The following FREM2 variants were observed in gnomAD, a reference collection of about 807,000 sequenced individuals.
FREM2 encodes FRAS1-related extracellular matrix protein 2.
Under a neutral mutation model 219.9 loss-of-function variants are expected in FREM2, and 119 were observed. That is an observed-to-expected ratio of 0.54 (90% CI 0.47 to 0.63). FREM2 has a LOEUF of 0.63. FREM2 is among the 30% of genes least tolerant of loss of function. The pLI is 0.00. For missense variants in FREM2, 4,030 were observed against 3,993.6 expected, an observed-to-expected ratio of 1.01 and a Z score of -0.25; for synonymous variants, 1,562 against 1,522.8, an observed-to-expected ratio of 1.03 and a Z score of -0.60.
Position 38,687,600 on chromosome 13 carries a change from G to C in FREM2, c.256G>C (p.Glu86Gln), listed in dbSNP as rs1159846649. ...CGGACTCCGGGTGCCTTTCGGCCGT[G>C]AAGTCTGGCTGGATCCCCTGCATGA... ...NRGLRVPFGREVWLDPLHDLV... is the reference protein window; with the variant it reads ...NRGLRVPFGRQVWLDPLHDLV... Residue 86 changes from glutamate to glutamine, a missense_variant, in exon 1 of 24, where the codon GAA (glutamate) becomes CAA (glutamine). Around this residue, in one of 2 missense-constraint regions of FREM2, gnomAD observed 3,102 missense variants for 2,950.7 expected, o/e 1.05. Transcript: ENST00000280481. 1 of 1,609,130 alleles carries C rather than the reference G, an allele frequency of 6.2e-7. No homozygotes were observed. The highest frequency in any genetic ancestry group is 1.1e-5 in the South Asian group (1 of 90,366).
chr13:38,786,096 T>C (rs9566363), intron 6 of FREM2, among the ~76,000 whole-genome samples: 77,298 of 151,996 alleles, frequency 0.51, 21,885 homozygotes, highest in Non-Finnish European at 0.65. Context: ...GCTGAAGCTA[T>C]GTAATGTATT....
intron 2 of FREM2, among the ~76,000 whole-genome samples, chr13:38,759,826 AT>A (rs1873159516): frequency 6.6e-6 from 1 of 152,204 alleles, no homozygotes; most frequent in Non-Finnish European, 1.5e-5. Context: ...GCCAATGTTT[AT>A]TATTTCCATG....
chr13:38,770,105 C>A (rs1873600808), intron 4 of FREM2, among the ~76,000 whole-genome samples: 1 of 147,124 alleles, frequency 6.8e-6, no homozygotes, highest in Non-Finnish European at 1.5e-5. Context: ...CCAGCTAGTA[C>A]AATTTTCATA....
intron 2 of FREM2, among the ~76,000 whole-genome samples, chr13:38,721,238 T>C (rs914397280): frequency 1.3e-5 from 2 of 152,124 alleles, no homozygotes; most frequent in African/African-American, 4.8e-5. Context: ...AAAAATATTG[T>C]CAGCTGACAG....
intron 2 of FREM2, among the ~76,000 whole-genome samples, chr13:38,722,142 C>T (rs1180776138): frequency 2.0e-5 from 3 of 152,082 alleles, no homozygotes; most frequent in Non-Finnish European, 2.9e-5. Flanking sequence ...GCCTCCGCCT[C>T]CCTAGTAGCT....
chr13:38,784,679 G>C lies in FREM2; in HGVS notation c.5890G>C (p.Val1964Leu), dbSNP rs1874254344. ...TGAACGGGAGAAACTGTGTCGGATA[G>C]TCATAATTGATGACTCTTTGTACGA... The part of the protein sequence containing the change: ...KDEREKLCRI[V>L]IIDDSLYEEE... Residue 1964 changes from valine (V) to leucine (L), a missense_variant, in exon 6 of 24, where the codon GTC (valine) becomes CTC (leucine). Val to Leu is a conservative substitution (Grantham distance 32, BLOSUM62 1). Coordinates refer to ENST00000280481, the MANE Select transcript of FREM2 (RefSeq NM_207361.6). The C allele has an allele frequency of 1.9e-6, 3 of 1,614,060 alleles. No individual in the cohort carries two copies. The highest frequency in any genetic ancestry group is 2.5e-6 in the Non-Finnish European group (3 of 1,180,016).
intron 5 of FREM2, 129 bp from the exon 6 acceptor site, chr13:38,784,428 A>G: frequency 2.2e-6 from 2 of 915,094 alleles, no homozygotes; most frequent in Non-Finnish European, 3.5e-6. Flanking sequence ...CGTAGTTGCT[A>G]TTGCAGTTCT....
At chr13:38,807,138 A>AC (rs1481904566) in intron 6 of FREM2, among the ~76,000 whole-genome samples, 3 of 116,506 alleles carry the variant, frequency 2.6e-5, no homozygotes, top group African/African-American at 9.2e-5. Flanking sequence ...ATTTTTTTCA[A>AC]CCCCCTGCTC....
intron 4 of FREM2, among the ~76,000 whole-genome samples, chr13:38,773,881 A>G (rs1029995039): frequency 6.6e-6 from 1 of 152,058 alleles, no homozygotes; most frequent in African/African-American, 2.4e-5. Flanking sequence ...TGTGATTTAT[A>G]TATCAATTTA....
At position 38,692,450 on chromosome 13, in the gene FREM2, G is replaced by A. The variant is rs762462270; in HGVS notation, c.5106G>A (p.Glu1702=). The part of the protein sequence containing the change: ...LHISLRFIVT[E]APQHGYLLNL... The stretch of plus-strand genomic sequence containing the variant: ...TTTCTCTTAGATTTATCGTGACAGA[G>A]GCCCCTCAACATGGATATCTTCTCA... Residue 1702 remains glutamate, a synonymous_variant, in exon 1 of 24, where the codon GAG becomes GAA. Coordinates refer to ENST00000280481, the MANE Select transcript of FREM2 (RefSeq NM_207361.6). 2 of 1,613,864 alleles carry A rather than the reference G, an allele frequency of 1.2e-6. No individual in the cohort carries two copies. Among genetic ancestry groups the A allele is most frequent in the Non-Finnish European group, 1.7e-6 (2 of 1,179,940 alleles).
chr13:38,690,913 A>C lies in FREM2; in HGVS notation c.3569A>C (p.Gln1190Pro), dbSNP rs1234401702. 6 of 1,614,058 alleles carry C rather than the reference A, an allele frequency of 3.7e-6. No homozygotes were observed. Among genetic ancestry groups the C allele is most frequent in the Non-Finnish European group, 5.1e-6 (6 of 1,180,006 alleles). The change falls in exon 1 of 24, where the codon CAG becomes CCG. Residue 1190 changes from glutamine (Q) to proline (P), a missense_variant. Gln to Pro is a moderately conservative substitution (Grantham distance 76). Coordinates refer to ENST00000280481, the MANE Select transcript of FREM2 (RefSeq NM_207361.6). Reference protein sequence around the residue: ...PIVIIPTNDEQPEMFMREFMV... With the variant: ...PIVIIPTNDEPPEMFMREFMV... ...GTAATCATTCCCACCAATGATGAAC[A>C]GCCAGAGATGTTTATGAGAGAATTT...
chr13:38,864,179 A>T, intron 15 of FREM2, 96 bp from the exon 16 acceptor site: 1 of 958,140 alleles, frequency 1.0e-6, no homozygotes, highest in Non-Finnish European at 1.6e-6. Context: ...ATGGCATTTT[A>T]TGACACTTGT....
intron 2 of FREM2, among the ~76,000 whole-genome samples, chr13:38,745,968 T>A (rs1006203772): frequency 6.6e-6 from 1 of 152,368 alleles, no homozygotes; most frequent in South Asian, 2.1e-4. Context: ...TTCTAGTTCA[T>A]GTAATTTCTC....
chr13:38,748,665 C>T (rs1388746347), intron 2 of FREM2, among the ~76,000 whole-genome samples: 5 of 152,174 alleles, frequency 3.3e-5, no homozygotes, highest in Non-Finnish European at 7.4e-5. Context: ...CTAGGAATTA[C>T]TGCAGGTAAG....
Position 38,885,942 on chromosome 13 carries a change from G to T in FREM2, c.*5155G>T, listed in dbSNP as rs777929539. On this transcript the variant is annotated 3_prime_UTR_variant, in exon 24 of 24. Coordinates refer to ENST00000280481, the MANE Select transcript of FREM2 (RefSeq NM_207361.6). ...AATAAAGTGTTAAAATGTTAACAGCGTTGAAGTTTTTAAAATTATAATTAT... is the reference window on the plus strand; with the variant it reads ...AATAAAGTGTTAAAATGTTAACAGCTTTGAAGTTTTTAAAATTATAATTAT... 6.6e-6 allele frequency: 1 copy of T among 152,108 alleles called. No individual in the cohort carries two copies. Among genetic ancestry groups the T allele is most frequent in the African/African-American group, 2.4e-5 (1 of 41,448 alleles). 9.4% of individuals were successfully genotyped at this position (152,108 alleles called of 1,614,324 possible). A position where few individuals can be genotyped will look rare whatever the true frequency, so the allele number is the denominator to read the frequency against.
At chr13:38,795,598 A>G (rs912489953) in intron 6 of FREM2, among the ~76,000 whole-genome samples, 1 of 152,118 alleles carries the variant, frequency 6.6e-6, no homozygotes, top group African/African-American at 2.4e-5. Flanking sequence ...TAACATCTCT[A>G]GTCCTCTCTT....
At chr13:38,714,813 G>A (rs886486465) in intron 2 of FREM2, among the ~76,000 whole-genome samples, 3 of 152,096 alleles carry the variant, frequency 2.0e-5, no homozygotes, top group Non-Finnish European at 4.4e-5. Flanking sequence ...GGCCCAGCGC[G>A]GTAGGTCACA....
chr13:38,724,483 ATAT>A (rs1446628610), intron 2 of FREM2, among the ~76,000 whole-genome samples: 1 of 152,168 alleles, frequency 6.6e-6, no homozygotes, highest in Admixed American at 6.5e-5. Flanking sequence ...CATTTGTAAG[ATAT>A]TATTTACAGA....
intron 2 of FREM2, among the ~76,000 whole-genome samples, chr13:38,721,818 T>C (rs971883352): frequency 2.0e-5 from 3 of 152,194 alleles, no homozygotes; most frequent in Non-Finnish European, 4.4e-5. Flanking sequence ...TACTAAAATC[T>C]ACTAATCCCA....
Sources: allele counts gnomAD v4.1 joint callset (sites outside exome capture counted in the v4.1 genomes callset), GRCh38; gene constraint gnomAD v4.1.1; regional missense constraint gnomAD v4.1.1; transcripts MANE v1.5; gene names NCBI Gene and HGNC (gene_info 2026-07-23, HGNC 2026-07-21).